CSDE1: variants seen among roughly 807,000 people sequenced by gnomAD.
The protein encoded by CSDE1 is cold shock domain-containing protein E1.
CSDE1 carries 17 observed loss-of-function variants against 89.3 expected under a neutral mutation model. That is an observed-to-expected ratio of 0.19 (90% CI 0.13 to 0.29). The LOEUF (loss-of-function observed/expected upper bound fraction) is 0.29, where lower values mean the gene tolerates loss of function less well. Ranked by LOEUF, CSDE1 falls within the 10% of genes least tolerant of loss-of-function variation. The pLI is 1.00. For synonymous variants in CSDE1, 322 were observed against 332.8 expected (o/e 0.97, Z 0.35); for missense variants, 672 against 984.2 (o/e 0.68, Z 4.24).
chr1:114,720,663 C>G lies in CSDE1; in HGVS notation c.1928G>C (p.Gly643Ala), dbSNP rs1295154398. 4 of 1,614,040 alleles carry G rather than the reference C, an allele frequency of 2.5e-6. No homozygotes were observed. The highest frequency in any genetic ancestry group is 3.4e-6 in the Non-Finnish European group (4 of 1,180,044). Residue 643 changes from glycine (G) to alanine (A), a missense_variant, in exon 17 of 20, where the codon GGG (glycine) becomes GCG (alanine). Gly to Ala is a moderately conservative substitution (Grantham distance 60). Transcript: ENST00000358528. ...GCTCTCCCCTTTCTGCAGGCAATCC[C>G]CTTTGTTGGCCATCCCAACGATGCC... Reference protein sequence around the residue: ...PFGIVGMANKGDCLQKGESVK... With the variant: ...PFGIVGMANKADCLQKGESVK...
chr1:114,736,958 A>C (rs761009259), intron 5 of CSDE1, 103 bp from the exon 6 acceptor site: 48 of 759,624 alleles, frequency 6.3e-5, no homozygotes, highest in Non-Finnish European at 9.9e-5. Flanking sequence ...TTTTAAGCCA[A>C]ATTTCTTAAA....
At chr1:114,741,966 C>G (rs1484788569) in intron 2 of CSDE1, among the ~76,000 whole-genome samples, 1 of 152,110 alleles carries the variant, frequency 6.6e-6, no homozygotes, top group Non-Finnish European at 1.5e-5. Context: ...TAAATAGAAC[C>G]TATCATTTTT....
intron 12 of CSDE1, 45 bp from the exon 13 acceptor site, chr1:114,727,135 C>A (rs1236520989): frequency 5.1e-6 from 7 of 1,364,860 alleles, no homozygotes; most frequent in African/African-American, 1.4e-5. Flanking sequence ...ATCTCAAGAA[C>A]AAAAACCAAT....
chr1:114,753,903 A>G (rs72687890), intron 1 of CSDE1, among the ~76,000 whole-genome samples: 21,627 of 152,160 alleles, frequency 0.14, 2,127 homozygotes, highest in Non-Finnish European at 0.21. Flanking sequence ...GCGACAGAGT[A>G]AGACGCTGAC....
chr1:114,726,198 A>C lies in CSDE1; in HGVS notation c.1640+13T>G, dbSNP rs1286954194. 1.3e-6 allele frequency: 2 copies of C among 1,585,652 alleles called. No individual in the cohort carries two copies. On this transcript the variant is annotated intron_variant, in intron 14 of 19. Coordinates refer to ENST00000358528, the MANE Select transcript of CSDE1 (RefSeq NM_001007553.3). The stretch of plus-strand genomic sequence containing the variant: ...GTAAGTTAGCTGTAAAGTTCCTGAA[A>C]GTCACGCCTTACCTGTAATGGAAAA...
intron 2 of CSDE1, chr1:114,741,669 A>T: frequency 2.6e-6 from 4 of 1,542,990 alleles, no homozygotes; most frequent in Non-Finnish European, 2.6e-6. Flanking sequence ...CTCCATCTCA[A>T]ACAGCTGTTA....
intron 1 of CSDE1, among the ~76,000 whole-genome samples, chr1:114,755,870 CT>C (rs1249906679): frequency 6.6e-6 from 1 of 152,186 alleles, no homozygotes; most frequent in Non-Finnish European, 1.5e-5. Flanking sequence ...TTTTAACTAC[CT>C]TGTCGAAAGT....
chr1:114,738,826 T>A (rs1230945477), intron 3 of CSDE1, among the ~76,000 whole-genome samples: 2 of 151,490 alleles, frequency 1.3e-5, no homozygotes, highest in Admixed American at 6.6e-5. Flanking sequence ...ACATGTCACG[T>A]TCCTCAGCTA....
At chr1:114,749,711 T>A (rs1004302430) in intron 2 of CSDE1, 110 bp downstream of exon 2, 11 of 152,498 alleles carry the variant, frequency 7.2e-5, no homozygotes, top group Admixed American at 3.9e-4. Context: ...ATAGAAAAAC[T>A]GTCTTCTGAA....
At chr1:114,749,333 A>G (rs1467294496) in intron 2 of CSDE1, among the ~76,000 whole-genome samples, 3 of 152,254 alleles carry the variant, frequency 2.0e-5, no homozygotes, top group African/African-American at 7.2e-5. Flanking sequence ...AATGCCTAAC[A>G]ATACAGTAGG....
In CSDE1 at chr1:114,730,248, C is replaced by T. The variant is rs1236365427; in HGVS notation, c.1356+10G>A. The T allele has an allele frequency of 1.9e-6, 3 of 1,612,026 alleles. No individual in the cohort carries two copies. The highest frequency in any genetic ancestry group is 2.2e-5 in the South Asian group (2 of 90,686). On this transcript the variant is annotated intron_variant, in intron 12 of 19. Coordinates refer to ENST00000358528, the MANE Select transcript of CSDE1 (RefSeq NM_001007553.3). ...AGCTACAAAAATCATTTGGATTATGCAAAACCTACCTTCTCTTTGCCTTTA... is the reference window on the plus strand; with the variant it reads ...AGCTACAAAAATCATTTGGATTATGTAAAACCTACCTTCTCTTTGCCTTTA...
intron 1 of CSDE1, 52 bp from the exon 2 acceptor site, chr1:114,750,259 G>A (rs867185246): frequency 6.6e-6 from 1 of 152,224 alleles, no homozygotes; most frequent in Non-Finnish European, 1.5e-5. Flanking sequence ...AATAATCAGG[G>A]ACAGTGGGTG....
rs1424014350 is a variant in CSDE1 at position 114,717,070 on chromosome 1, C to T, written c.*1099G>A. On this transcript the variant is annotated 3_prime_UTR_variant, in exon 20 of 20. Transcript: ENST00000358528. ...AACGACAAGGGGGAAGATAAAACCG[C>T]CCTCCCCCACATCCCCTGAGCTGAC... is the stretch of plus-strand genomic sequence containing the variant. 1 of 152,782 alleles carries T rather than the reference C, an allele frequency of 6.5e-6. No homozygotes were observed. Among genetic ancestry groups the T allele is most frequent in the East Asian group, 1.9e-4 (1 of 5,202 alleles). 9.5% of individuals were successfully genotyped at this position (152,782 alleles called of 1,614,324 possible).
At chr1:114,747,140 C>A in intron 2 of CSDE1, among the ~76,000 whole-genome samples, 1 of 152,218 alleles carries the variant, frequency 6.6e-6, no homozygotes, top group African/African-American at 2.4e-5. Flanking sequence ...CAATTCAGGT[C>A]TATTTTCACA....
intron 2 of CSDE1, among the ~76,000 whole-genome samples, chr1:114,742,027 G>T (rs1000845932): frequency 6.6e-6 from 1 of 152,172 alleles, no homozygotes; most frequent in Admixed American, 6.5e-5. Flanking sequence ...GGGTGCAGAA[G>T]AAAATAACTG....
intron 3 of CSDE1, among the ~76,000 whole-genome samples, chr1:114,739,157 G>A (rs1660580565): frequency 6.6e-6 from 1 of 151,734 alleles, no homozygotes; most frequent in Non-Finnish European, 1.5e-5. Flanking sequence ...TCAGCCTCCC[G>A]AGTAGCTGGG....
intron 17 of CSDE1, among the ~76,000 whole-genome samples, 187 bp from the exon 18 acceptor site, chr1:114,719,929 C>G (rs540315712): frequency 2.0e-5 from 3 of 152,328 alleles, no homozygotes; most frequent in South Asian, 4.1e-4. Flanking sequence ...CACTATATCA[C>G]AAACTTGAAC....
In CSDE1 at chr1:114,739,807, C is replaced by G. The variant is rs751080184; in HGVS notation, c.84G>C (p.Gly28=). ...AAGAGGTTAACAGTTTTTCAATAAC[C>G]CCAGTTTCACGCAGTGCTGCTGAAG... ...NGTSAALRET[G]VIEKLLTSYG... The change falls in exon 3 of 20, where the codon GGG becomes GGC. Residue 28 remains glycine, a synonymous_variant. Transcript: ENST00000358528. 7 of 1,613,936 alleles carry G rather than the reference C, an allele frequency of 4.3e-6. No individual in the cohort carries two copies. The highest frequency in any genetic ancestry group is 5.1e-6 in the Non-Finnish European group (6 of 1,179,892).
chr1:114,737,640 A>G, intron 4 of CSDE1, 77 bp from the exon 5 acceptor site: 1 of 1,055,942 alleles, frequency 9.5e-7, no homozygotes, highest in Non-Finnish European at 1.4e-6. Context: ...CTGAATTTTA[A>G]TATCCTCTAT....
Sources: allele counts gnomAD v4.1 joint callset (sites outside exome capture counted in the v4.1 genomes callset), GRCh38; gene constraint gnomAD v4.1.1; transcripts MANE v1.5; gene names NCBI Gene and HGNC (gene_info 2026-07-23, HGNC 2026-07-21).